The following PIGG variants were observed in gnomAD, a reference collection of about 807,000 sequenced individuals.
PIGG encodes GPI ethanolamine phosphate transferase 2, catalytic subunit.
Under a neutral mutation model 83.2 loss-of-function variants are expected in PIGG, and 70 were observed. That is an observed-to-expected ratio of 0.84 (90% CI 0.69 to 1.03). The LOEUF (loss-of-function observed/expected upper bound fraction) is 1.03, where lower values mean the gene tolerates loss of function less well. PIGG is among the 50% of genes least tolerant of loss of function. The pLI is 0.00. For missense variants in PIGG, 1,257 were observed against 1,233.6 expected (o/e 1.02, Z -0.28); for synonymous variants, 532 against 519.5 (o/e 1.02, Z -0.33).
intron 12 of PIGG, chr4:536,777 C>G (rs779308936): frequency 6.6e-6 from 1 of 152,300 alleles, no homozygotes; most frequent in Non-Finnish European, 1.5e-5. Context: ...CTGCCTCTGC[C>G]CTGGAGAACG....
intron 2 of PIGG, among the ~76,000 whole-genome samples, chr4:505,277 T>G (rs1553878167): frequency 6.6e-6 from 1 of 152,036 alleles, no homozygotes; most frequent in Non-Finnish European, 1.5e-5. Flanking sequence ...TTATCTTTGT[T>G]ACTATTGAGT....
rs1723750179 is a variant in PIGG, at chr4:516,106, A to G, written c.1035A>G (p.Arg345=). 3 of 1,613,870 alleles carry G rather than the reference A, an allele frequency of 1.9e-6. No individual in the cohort carries two copies. The East Asian group carries it at 6.7e-5, about 36-fold the overall frequency. The part of the protein sequence containing the change: ...LFPVVEGRPM[R]EQLRFLHLNT... ...CAGTTGTGGAAGGAAGACCAATGAG[A>G]GAGCAGTTGAGATTTTTACATTTGA... Residue 345 remains arginine, a synonymous_variant, in exon 6 of 13, where the codon AGA becomes AGG. Coordinates refer to ENST00000453061, the MANE Select transcript of PIGG (RefSeq NM_001127178.3).
At chr4:529,563 G>GAT (rs1368548855) in intron 10 of PIGG, among the ~76,000 whole-genome samples, 1 of 152,166 alleles carries the variant, frequency 6.6e-6, no homozygotes, top group Admixed American at 6.5e-5. Context: ...AGATTTGTAG[G>GAT]CTGTGTGAAG....
chr4:513,303 G>A (rs573610965), intron 5 of PIGG, among the ~76,000 whole-genome samples: 27 of 152,230 alleles, frequency 1.8e-4, no homozygotes, highest in South Asian at 8.3e-4. Context: ...AAAAATGCAC[G>A]GAAATTTTTG....
rs1717238789 is a variant in PIGG, at chr4:500,435, T to A, written c.194T>A (p.Phe65Tyr). The change falls in exon 2 of 13, where the codon TTC becomes TAC. Residue 65 changes from phenylalanine (F) to tyrosine (Y), a missense_variant. Phe to Tyr is a conservative substitution (Grantham distance 22). Coordinates refer to ENST00000453061, the MANE Select transcript of PIGG (RefSeq NM_001127178.3). ...SNWTTLPPPL[F>Y]SKVVIVLIDA... is the part of the protein sequence containing the mutation. Reference sequence around the variant, plus strand: ...TGGACCACGCTGCCACCACCTCTCTTCAGTAAAGTTGTTATTGTTCTGATA... The same window carrying A: ...TGGACCACGCTGCCACCACCTCTCTACAGTAAAGTTGTTATTGTTCTGATA... 6.2e-7 allele frequency: 1 copy of A among 1,613,976 alleles called. No homozygotes were observed. The highest frequency in any genetic ancestry group is 8.5e-7 in the Non-Finnish European group (1 of 1,179,964).
At chr4:513,198 T>A (rs1181509407) in intron 5 of PIGG, among the ~76,000 whole-genome samples, 1 of 152,248 alleles carries the variant, frequency 6.6e-6, no homozygotes, top group Non-Finnish European at 1.5e-5. Context: ...TGGTGGTTTT[T>A]AAAATGTTTA....
chr4:539,340 A>G lies in PIGG; in HGVS notation c.2923A>G (p.Met975Val), dbSNP rs566081568. 2.2e-5 allele frequency: 36 copies of G among 1,612,148 alleles called. No individual in the cohort carries two copies. The highest frequency in any genetic ancestry group is 6.6e-5 in the South Asian group (6 of 90,960). The change falls in exon 13 of 13, where the codon ATG becomes GTG. Residue 975 changes from methionine to valine, a missense_variant. Met to Val is a conservative substitution (Grantham distance 21). Transcript: ENST00000453061. ...TGCTGTCTGTGTATTCTTCACGGCA[A>G]TGGATCAAACCAGACTCACACAGTC... Reference protein sequence around the residue: ...TAAVCVFFTAMDQTRLTQS With the variant: ...TAAVCVFFTAVDQTRLTQS
chr4:538,720 A>AGG (rs567645120), intron 12 of PIGG, among the ~76,000 whole-genome samples: 4 of 152,088 alleles, frequency 2.6e-5, no homozygotes, highest in African/African-American at 9.7e-5. Context: ...AGATTTCTGT[A>AGG]GGGGGGGCTC....
intron 6 of PIGG, among the ~76,000 whole-genome samples, chr4:520,579 G>C (rs1307413053): frequency 1.3e-5 from 2 of 152,238 alleles, no homozygotes; most frequent in Non-Finnish European, 2.9e-5. Flanking sequence ...AGTGGGTGTG[G>C]CAGAGAAGGG....
Position 523,628 on chromosome 4 carries a change from G to A in PIGG, c.1784G>A (p.Arg595Lys). ...LCLALSQETY[R>K]NYFLGDDGEP... ...CTAGCTCTGAGCCAAGAAACCTACA[G>A]AAACTACTTTCTGGGAGATGACGGT... The change falls in exon 9 of 13, where the codon AGA becomes AAA. Residue 595 changes from arginine (R) to lysine (K), a missense_variant. Arg to Lys is a conservative substitution (Grantham distance 26). Coordinates refer to ENST00000453061, the MANE Select transcript of PIGG (RefSeq NM_001127178.3). 1 of 1,614,244 alleles carries A rather than the reference G, an allele frequency of 6.2e-7. No homozygotes were observed. The highest frequency in any genetic ancestry group is 1.3e-5 in the African/African-American group (1 of 75,052).
At chr4:530,935 G>A in intron 11 of PIGG, 190 bp downstream of exon 11, 1 of 572,386 alleles carries the variant, frequency 1.7e-6, no homozygotes, top group Non-Finnish European at 3.1e-6. Flanking sequence ...CCCAGGTGTG[G>A]ATGTGTGGGT....
intron 9 of PIGG, among the ~76,000 whole-genome samples, chr4:526,167 T>A (rs895593040): frequency 6.6e-6 from 1 of 152,262 alleles, no homozygotes; most frequent in African/African-American, 2.4e-5. Flanking sequence ...TATATTGTTA[T>A]AAATGTTCTA....
intron 9 of PIGG, chr4:525,133 C>T: frequency 3.2e-6 from 3 of 950,896 alleles, no homozygotes; most frequent in Non-Finnish European, 3.8e-6. Context: ...GCTCCTTTCT[C>T]CTCCCCATCC....
intron 5 of PIGG, among the ~76,000 whole-genome samples, chr4:512,820 G>GTAA (rs1335136699): frequency 5.9e-5 from 9 of 151,794 alleles, no homozygotes; most frequent in East Asian, 1.9e-4. Flanking sequence ...TCTAAAAATA[G>GTAA]TAATAATAAT....
At chr4:512,463 C>T (rs577438623) in intron 5 of PIGG, among the ~76,000 whole-genome samples, 2 of 152,072 alleles carry the variant, frequency 1.3e-5, no homozygotes, top group African/African-American at 4.8e-5. Context: ...GATCTGCCCA[C>T]CTCGGCCTCC....
Position 508,816 on chromosome 4 carries a change from C to G in PIGG, c.760-13C>G, listed in dbSNP as rs782175795. 8 of 1,612,520 alleles carry G rather than the reference C, an allele frequency of 5.0e-6. No individual in the cohort carries two copies. In the East Asian group the frequency reaches 1.8e-4, roughly 36 times the overall value. On this transcript the variant is annotated splice_polypyrimidine_tract_variant and intron_variant, in intron 4 of 12. Coordinates refer to ENST00000453061, the MANE Select transcript of PIGG (RefSeq NM_001127178.3). ...TCTGAACGCAGTTGAAATGTTTTTC[C>G]TTTGCCTTAAAGGAGAGAGAGACGC...
chr4:528,084 G>T lies in PIGG; in HGVS notation c.2261+854G>T, dbSNP rs1412439820. On this transcript the variant is annotated intron_variant, in intron 10 of 12. Coordinates refer to ENST00000453061, the MANE Select transcript of PIGG (RefSeq NM_001127178.3). This position sits in a 1 kb window ranked among gnomAD's most constrained non-coding sequence, Gnocchi z 4.8. ...CGGTGCTCTGACAGTGACCGTCCCA[G>T]TGAGGTCGGTGCTCTGATAGTGACC... The T allele has an allele frequency of 1.0e-6, 1 of 985,244 alleles. No homozygotes were observed. The highest frequency in any genetic ancestry group is 1.2e-6 in the Non-Finnish European group (1 of 829,906). 61.0% of individuals were successfully genotyped at this position (985,244 alleles called of 1,614,324 possible).
chr4:523,515 G>A lies in PIGG; in HGVS notation c.1671G>A (p.Gly557=). The change falls in exon 9 of 13, where the codon GGG becomes GGA. Residue 557 remains glycine, a synonymous_variant. Coordinates refer to ENST00000453061, the MANE Select transcript of PIGG (RefSeq NM_001127178.3). ...WSELDLLILL[G]TAGHVLSLGA... Reference sequence around the variant, plus strand: ...AGCTAGACCTTCTTATTCTGTTGGGGACGGCGGGCCACGTCTTGAGCCTGG... The same window carrying A: ...AGCTAGACCTTCTTATTCTGTTGGGAACGGCGGGCCACGTCTTGAGCCTGG... 2 of 1,614,194 alleles carry A rather than the reference G, an allele frequency of 1.2e-6. No homozygotes were observed. Among genetic ancestry groups the A allele is most frequent in the Non-Finnish European group, 1.7e-6 (2 of 1,180,034 alleles).
intron 6 of PIGG, among the ~76,000 whole-genome samples, chr4:517,185 C>T (rs1724194620): frequency 6.6e-6 from 1 of 152,158 alleles, no homozygotes; most frequent in Non-Finnish European, 1.5e-5. Context: ...TTTTCGAAGG[C>T]TGTCTCAGGC....
Sources: allele counts gnomAD v4.1 joint callset (sites outside exome capture counted in the v4.1 genomes callset), GRCh38; gene constraint gnomAD v4.1.1; non-coding constraint Gnocchi (gnomAD v3.1); transcripts MANE v1.5; gene names NCBI Gene and HGNC (gene_info 2026-07-23, HGNC 2026-07-21).